The following NCAPD3 variants were observed in gnomAD, a reference collection of about 807,000 sequenced individuals.
NCAPD3 encodes the protein non-SMC condensin II complex subunit D3.
In NCAPD3, 105 loss-of-function variants were observed where a neutral mutation model predicts 182.9. The ratio of observed to expected loss-of-function variants is 0.57; its 90% confidence interval spans 0.49 to 0.68. The LOEUF is 0.68. Among genes scored for constraint, NCAPD3 ranks in the 30% least tolerant of loss-of-function variants. The pLI, the probability that NCAPD3 is intolerant of heterozygous loss-of-function variation, is 0.00. For synonymous variants in NCAPD3, 815 were observed against 679.9 expected, an observed-to-expected ratio of 1.20 and a Z score of -3.09; for missense variants, 1,944 against 1,837.0, an observed-to-expected ratio of 1.06 and a Z score of -1.07.
upstream of NCAPD3, chr11:134,224,969 C>A: frequency 2.0e-6 from 1 of 494,736 alleles, no homozygotes; most frequent in Non-Finnish European, 3.0e-6. Flanking sequence ...TGTCCGTCGG[C>A]GCCCACTGCC....
rs73042032 is a variant in NCAPD3 at position 134,182,013 on chromosome 11, G to A, written c.2452-829C>T. Among the ~76,000 whole-genome samples the A allele has an allele frequency of 2.0e-3, 308 of 152,258 alleles. 2 individuals carry two copies. The highest frequency in any genetic ancestry group is 3.4e-3 in the Non-Finnish European group (231 of 68,022). On this transcript the variant is annotated intron_variant, in intron 19 of 34. Coordinates refer to ENST00000534548, the MANE Select transcript of NCAPD3 (RefSeq NM_015261.3). The stretch of plus-strand genomic sequence containing the variant: ...AGTCTGACTTGCCCTAACGTATCTG[G>A]AAACTATTGGCTTTATTACTTCTAA...
chr11:134,200,499 A>G (rs1395284886), intron 13 of NCAPD3, among the ~76,000 whole-genome samples: 1 of 152,208 alleles, frequency 6.6e-6, no homozygotes, highest in Non-Finnish European at 1.5e-5. Context: ...ATTAGCCATT[A>G]GGGAAATGTA....
At chr11:134,225,128 C>T (rs377631093), upstream of NCAPD3, 4 of 1,604,748 alleles carry the variant, frequency 2.5e-6, no homozygotes, top group Non-Finnish European at 3.4e-6. Context: ...GTGCGATGAG[C>T]TTCTTCGGCT....
intron 13 of NCAPD3, among the ~76,000 whole-genome samples, chr11:134,196,962 C>G (rs552907564): frequency 3.3e-5 from 5 of 152,272 alleles, no homozygotes; most frequent in Admixed American, 2.6e-4. Context: ...ACACCCAGTG[C>G]TGGAGGCGGG....
intron 27 of NCAPD3, among the ~76,000 whole-genome samples, chr11:134,164,428 A>G (rs1468880138): frequency 1.3e-5 from 2 of 152,258 alleles, no homozygotes; most frequent in African/African-American, 4.8e-5. Flanking sequence ...AGGTTTGAGA[A>G]TTGTCACCAT....
At chr11:134,180,969 A>G in intron 20 of NCAPD3, 108 bp downstream of exon 20, 1 of 738,672 alleles carries the variant, frequency 1.4e-6, no homozygotes, top group Non-Finnish European at 2.3e-6. Flanking sequence ...AGGCTAAGAC[A>G]GCTCTTTTGT....
intron 7 of NCAPD3, 140 bp from the exon 8 acceptor site, chr11:134,206,872 G>A: frequency 1.3e-6 from 1 of 759,836 alleles, no homozygotes; most frequent in Non-Finnish European, 2.0e-6. Flanking sequence ...GAACACTAGG[G>A]ATATATTTCT....
At chr11:134,167,610 G>C (rs1591829576) in intron 27 of NCAPD3, among the ~76,000 whole-genome samples, 1 of 127,122 alleles carries the variant, frequency 7.9e-6, no homozygotes. Context: ...TCACTAGTGA[G>C]ATGAGCTTGG....
intron 24 of NCAPD3, among the ~76,000 whole-genome samples, chr11:134,170,465 G>A (rs1346012002): frequency 6.6e-6 from 1 of 152,194 alleles, no homozygotes; most frequent in Non-Finnish European, 1.5e-5. Flanking sequence ...AACAAACAAG[G>A]ATTTATCTTC....
intron 29 of NCAPD3, among the ~76,000 whole-genome samples, chr11:134,159,275 C>G (rs1943513343): frequency 6.6e-6 from 1 of 152,174 alleles, no homozygotes; most frequent in South Asian, 2.1e-4. Flanking sequence ...CCATCCCTAC[C>G]AACAGTGTAC....
chr11:134,173,002 A>AG (rs1944052718), intron 24 of NCAPD3: 1 of 139,796 alleles, frequency 7.2e-6, no homozygotes, highest in Non-Finnish European at 1.5e-5. Flanking sequence ...AAAAAAAAAA[A>AG]GTCACACAGA....
At chr11:134,210,241 A>G (rs187686699) in intron 4 of NCAPD3, 29 bp downstream of exon 4, 37 of 1,577,256 alleles carry the variant, frequency 2.3e-5, no homozygotes, top group African/African-American at 5.5e-5. Flanking sequence ...GTGTTGGTAT[A>G]TATGTTTTAT....
At position 134,178,913 on chromosome 11, in the gene NCAPD3, C is replaced by T. The variant is rs374977128; in HGVS notation, c.2583G>A (p.Gly861=). ...TGGCTGGACACAGCTGGGCTATATC[C>T]CCTAAGGTAAAAATGTACTTCACCT... ...DLLVKYIFTL[G]DIAQLCPARV... is the part of the protein sequence containing the mutation. Residue 861 remains glycine, a synonymous_variant, in exon 21 of 35, where the codon GGG becomes GGA. Coordinates refer to ENST00000534548, the MANE Select transcript of NCAPD3 (RefSeq NM_015261.3). 7.9e-5 allele frequency: 127 copies of T among 1,613,788 alleles called. No individual in the cohort carries two copies. The African/African-American group carries it at 1.5e-3, about 19-fold the overall frequency.
At position 134,210,389 on chromosome 11, in the gene NCAPD3, T is replaced by C; in HGVS notation, c.448A>G (p.Ser150Gly). The change falls in exon 4 of 35, where the codon AGC becomes GGC. Residue 150 changes from serine (S) to glycine (G), a missense_variant. By Grantham distance (56) the Ser-to-Gly change is moderately conservative (BLOSUM62 0). Around this residue, in one of 3 missense-constraint regions of NCAPD3, gnomAD observed 1,803 missense variants for 1,674.6 expected, o/e 1.08. Transcript: ENST00000534548. ...FDKCIQTLKK[S>G]WPQESNLNRK... Reference sequence around the variant, plus strand: ...TTCAAGTTAGATTCCTGGGGCCAGCTCTTCTTTAGAGTCTGAATGCATTTG... The same window carrying C: ...TTCAAGTTAGATTCCTGGGGCCAGCCCTTCTTTAGAGTCTGAATGCATTTG... 1 of 1,614,208 alleles carries C rather than the reference T, an allele frequency of 6.2e-7. No individual in the cohort carries two copies. Among genetic ancestry groups the C allele is most frequent in the Non-Finnish European group, 8.5e-7 (1 of 1,180,016 alleles).
intron 10 of NCAPD3, 37 bp from the exon 11 acceptor site, chr11:134,203,943 G>A: frequency 6.2e-7 from 1 of 1,608,038 alleles, no homozygotes; most frequent in South Asian, 1.1e-5. Context: ...CCATCAGATA[G>A]GAGTAAGAAC....
intron 29 of NCAPD3, 35 bp downstream of exon 29, chr11:134,159,857 C>G: frequency 6.3e-7 from 1 of 1,591,822 alleles, no homozygotes; most frequent in Non-Finnish European, 8.5e-7. Context: ...GCAGACTGGA[C>G]TGTCTGGTCA....
At chr11:134,163,441 T>C (rs1017382936) in intron 27 of NCAPD3, among the ~76,000 whole-genome samples, 10 of 152,186 alleles carry the variant, frequency 6.6e-5, no homozygotes, top group Admixed American at 5.2e-4. Context: ...GGCTCATGCC[T>C]GTAATCCCAG....
chr11:134,167,180 C>T (rs1451203428), intron 27 of NCAPD3, among the ~76,000 whole-genome samples: 2 of 130,746 alleles, frequency 1.5e-5, no homozygotes. Flanking sequence ...GGGGGAGGCG[C>T]ACACTCGTGA....
At chr11:134,217,310 T>C (rs568721763) in intron 2 of NCAPD3, among the ~76,000 whole-genome samples, 1 of 152,312 alleles carries the variant, frequency 6.6e-6, no homozygotes, top group African/African-American at 2.4e-5. Flanking sequence ...AATATGTATA[T>C]AACATATTTA....
Sources: gnomAD v4.1 joint callset for allele counts (sites outside exome capture counted in the v4.1 genomes callset) on GRCh38, gnomAD v4.1.1 for gene constraint, gnomAD v4.1.1 regional missense constraint, MANE v1.5 for transcripts, NCBI Gene and HGNC (gene_info 2026-07-23, HGNC 2026-07-21) for gene names.